Variants in SYCP1 observed in about 807,000 individuals in gnomAD.
SYCP1 encodes synaptonemal complex protein 1, also known as cancer/testis antigen 8.
In SYCP1, 64 loss-of-function variants were observed where a neutral mutation model predicts 153.1. The ratio of observed to expected loss-of-function variants is 0.42; its 90% CI spans 0.34 to 0.51. The LOEUF (loss-of-function observed/expected upper bound fraction) is 0.51, where lower values mean the gene tolerates loss of function less well. Among genes scored for constraint, SYCP1 ranks in the 20% least tolerant of loss-of-function variants. The probability of loss-of-function intolerance (pLI) is 0.06; values close to 1 mark genes in which losing one functional copy is unlikely to be tolerated. For synonymous variants in SYCP1, 384 were observed against 341.8 expected (o/e 1.12, Z -1.36); for missense variants, 997 against 1,049.0 (o/e 0.95, Z 0.68).
chr1:114,855,614 T>C (rs1557745720), intron 2 of SYCP1, 42 bp downstream of exon 2: 2 of 1,443,882 alleles, frequency 1.4e-6, no homozygotes, highest in East Asian at 2.3e-5. Flanking sequence ...TTCTTAACTT[T>C]AGGGAAATGA....
rs1259731674 is a variant in SYCP1 at position 114,876,152 on chromosome 1, TCTTA to T, written c.727+19_727+22del. ...TGCATTTTAAGTGTAGGTATAGGGA[TCTTA>T]CTTAATTTTTATATTACTGTTTTGC... On this transcript the variant is annotated intron_variant, in intron 10 of 31. Transcript: ENST00000369522. The T allele has an allele frequency of 2.7e-6, 4 of 1,505,314 alleles. No individual in the cohort carries two copies. Among genetic ancestry groups the T allele is most frequent in the Middle Eastern group, 1.8e-4 (1 of 5,598 alleles). The allele number at this position is 1,505,314 out of a possible 1,614,324, so 93.2% of individuals were successfully genotyped here. A position where few individuals can be genotyped will look rare whatever the true frequency, so the allele number is the denominator to read the frequency against.
chr1:114,864,724 G>C (rs1399695942), intron 8 of SYCP1, among the ~76,000 whole-genome samples: 2 of 152,122 alleles, frequency 1.3e-5, no homozygotes, highest in African/African-American at 4.8e-5. Context: ...CTGGGCTCAA[G>C]TGATCTTCCC....
At position 114,944,687 on chromosome 1, in the gene SYCP1, G is replaced by A. The variant is rs1346783531; in HGVS notation, c.2044-185G>A. Among the ~76,000 whole-genome samples, 6 of 151,802 alleles carry A rather than the reference G, an allele frequency of 4.0e-5. No homozygotes were observed. The South Asian group carries it at 8.3e-4, about 21-fold the overall frequency. On this transcript the variant is annotated intron_variant, in intron 24 of 31. Coordinates refer to ENST00000369522, the MANE Select transcript of SYCP1 (RefSeq NM_003176.4). ...GAAAGGATTAAATGATTGCCACAGT[G>A]GTATAGTGTCATCTTACTTCATAAA...
In SYCP1 at chr1:114,913,997, G is replaced by C; in HGVS notation, c.1670G>C (p.Arg557Thr). The change falls in exon 20 of 32, where the codon AGG becomes ACG. Residue 557 changes from arginine (R) to threonine (T), a missense_variant. By Grantham distance (71) the Arg-to-Thr change is moderately conservative. Coordinates refer to ENST00000369522, the MANE Select transcript of SYCP1 (RefSeq NM_003176.4). ...TAGAATAACAAAAAGCAAGAAGAAA[G>C]GATGTTGAAACAAATAGAAAATCTT... ...DINNNKKQEE[R>T]MLKQIENLQE... 2.5e-6 allele frequency: 4 copies of C among 1,573,886 alleles called. No individual in the cohort carries two copies. In the African/African-American group the frequency reaches 5.5e-5, roughly 21 times the overall value.
chr1:114,866,140 AAATATCC>A (rs1216329635), intron 8 of SYCP1, among the ~76,000 whole-genome samples: 3 of 152,198 alleles, frequency 2.0e-5, no homozygotes, highest in Admixed American at 2.0e-4. Context: ...AAGCTGCTAT[AAATATCC>A]ATGTGCAGGC....
At chr1:114,950,496 A>T (rs114932024) in intron 27 of SYCP1, among the ~76,000 whole-genome samples, 4,755 of 152,240 alleles carry the variant, frequency 0.031, 125 homozygotes, top group Non-Finnish European at 0.042. Context: ...AAAATAGCCT[A>T]CAAACCCATA....
chr1:114,958,320 A>G (rs893178248), intron 27 of SYCP1, among the ~76,000 whole-genome samples: 12 of 152,138 alleles, frequency 7.9e-5, no homozygotes, highest in African/African-American at 2.4e-4. Flanking sequence ...AGAGGGATTG[A>G]TTAATGGGTA....
At chr1:114,901,125 A>G (rs968900356) in intron 16 of SYCP1, among the ~76,000 whole-genome samples, 1 of 152,174 alleles carries the variant, frequency 6.6e-6, no homozygotes, top group African/African-American at 2.4e-5. Flanking sequence ...TTGTCATAAG[A>G]TCTTTTCAAA....
intron 16 of SYCP1, among the ~76,000 whole-genome samples, chr1:114,902,660 CG>C (rs1667546312): frequency 6.7e-6 from 1 of 150,346 alleles, no homozygotes; most frequent in Admixed American, 6.6e-5. Context: ...TTTACTTGGC[CG>C]TCTCATTATA....
At chr1:114,901,008 T>A (rs181207460) in intron 16 of SYCP1, among the ~76,000 whole-genome samples, 106 of 152,330 alleles carry the variant, frequency 7.0e-4, no homozygotes, top group Admixed American at 2.4e-3. Context: ...TTATCTTCCC[T>A]TTAAAAAATA....
chr1:114,902,164 G>GA (rs887127784), intron 16 of SYCP1, among the ~76,000 whole-genome samples: 1 of 152,170 alleles, frequency 6.6e-6, no homozygotes, highest in African/African-American at 2.4e-5. Context: ...AAAGGCCATG[G>GA]AAAGGCTGGG....
chr1:114,865,518 G>GTGC (rs1208340497), intron 8 of SYCP1, among the ~76,000 whole-genome samples: 1 of 152,130 alleles, frequency 6.6e-6, no homozygotes, highest in Non-Finnish European at 1.5e-5. Flanking sequence ...TGCCTTTGCT[G>GTGC]TGCTGCCCTG....
intron 20 of SYCP1, among the ~76,000 whole-genome samples, chr1:114,920,633 T>C (rs1668804739): frequency 6.6e-6 from 1 of 152,158 alleles, no homozygotes; most frequent in Non-Finnish European, 1.5e-5. Context: ...TCTAATAATA[T>C]TTGTTTTATA....
chr1:114,913,118 C>T lies in SYCP1; in HGVS notation c.1615C>T (p.Leu539=). The T allele has an allele frequency of 1.9e-6, 3 of 1,611,598 alleles. No homozygotes were observed. Among genetic ancestry groups the T allele is most frequent in the East Asian group, 2.2e-5 (1 of 44,730 alleles). The change falls in exon 19 of 32, where the codon CTA becomes TTA. Residue 539 remains leucine (L), a synonymous_variant. Coordinates refer to ENST00000369522, the MANE Select transcript of SYCP1 (RefSeq NM_003176.4). The part of the protein sequence containing the change: ...ELTQETSDMT[L]ELKNQQEDIN... ...CACACAGGAAACAAGTGATATGACC[C>T]TAGAACTCAAGAATCAGCAAGAAGA...
chr1:114,930,294 C>T (rs1669538562), intron 23 of SYCP1, among the ~76,000 whole-genome samples: 1 of 151,636 alleles, frequency 6.6e-6, no homozygotes, highest in Admixed American at 6.6e-5. Context: ...ATTAAATTCA[C>T]AGAAAGTAGA....
chr1:114,933,179 T>C (rs1669754409), intron 23 of SYCP1, among the ~76,000 whole-genome samples: 3 of 152,112 alleles, frequency 2.0e-5, no homozygotes. Context: ...CATGGCTGGG[T>C]ACCCCTCTGA....
chr1:114,900,031 C>T (rs1667320116), intron 16 of SYCP1, among the ~76,000 whole-genome samples: 2 of 152,156 alleles, frequency 1.3e-5, no homozygotes, highest in Admixed American at 6.5e-5. Flanking sequence ...CTTTTATAAC[C>T]TGTTACAAAT....
Position 114,945,339 on chromosome 1 carries a change from G to A in SYCP1, c.2154+357G>A, listed in dbSNP as rs150144560. Among the ~76,000 whole-genome samples the A allele has an allele frequency of 1.0e-3, 158 of 151,856 alleles. 2 individuals are homozygous for A. The highest frequency in any genetic ancestry group is 3.7e-3 in the African/African-American group (153 of 41,446). On this transcript the variant is annotated intron_variant, in intron 25 of 31. Transcript: ENST00000369522. ...CTCATTGATATCTAACATATAATAG[G>A]CTAAATCAATTTTTATCAAAGGAAT...
At chr1:114,938,403 TG>T (rs1296408251) in intron 23 of SYCP1, among the ~76,000 whole-genome samples, 1 of 24,328 alleles carries the variant, frequency 4.1e-5, no homozygotes, top group East Asian at 1.5e-3. Flanking sequence ...TGTTGTGGGA[TG>T]GGGGGAGGGG....
Sources: allele counts gnomAD v4.1 joint callset (sites outside exome capture counted in the v4.1 genomes callset), GRCh38; gene constraint gnomAD v4.1.1; transcripts MANE v1.5; gene names NCBI Gene and HGNC (gene_info 2026-07-23, HGNC 2026-07-21).